The following HSD17B12 variants were observed in gnomAD, a reference collection of about 807,000 sequenced individuals.
HSD17B12 encodes hydroxysteroid 17-beta dehydrogenase 12.
Under a neutral mutation model 39.3 loss-of-function variants are expected in HSD17B12, and 32 were observed. The observed-to-expected ratio is 0.81, with a 90% CI of 0.61 to 1.09. The LOEUF (loss-of-function observed/expected upper bound fraction) is 1.09. HSD17B12 is among the 50% of genes least tolerant of loss of function. HSD17B12 has a pLI of 0.00. For missense variants in HSD17B12, 342 were observed against 382.9 expected (o/e 0.89, Z 0.89); for synonymous variants, 150 against 146.7 (o/e 1.02, Z -0.16).
chr11:43,675,813 A>G (rs1666730098), upstream of HSD17B12, among the ~76,000 whole-genome samples: 2 of 152,276 alleles, frequency 1.3e-5, no homozygotes, highest in East Asian at 1.9e-4. Context: ...TAATGGAAAG[A>G]AAAGAATCAA....
At chr11:43,784,803 A>T (rs909396274) in intron 3 of HSD17B12, among the ~76,000 whole-genome samples, 5 of 152,178 alleles carry the variant, frequency 3.3e-5, no homozygotes, top group African/African-American at 1.2e-4. Flanking sequence ...ACCTGTACAG[A>T]CACATGTGCC....
At chr11:43,696,085 G>T (rs554164670) in intron 1 of HSD17B12, among the ~76,000 whole-genome samples, 1 of 152,234 alleles carries the variant, frequency 6.6e-6, no homozygotes, top group Non-Finnish European at 1.5e-5. Context: ...ACTTATAAGT[G>T]AGAACATGTG....
chr11:43,638,245 G>A, the HSD17B12 span, among the ~76,000 whole-genome samples: 1 of 152,164 alleles, frequency 6.6e-6, no homozygotes, highest in Non-Finnish European at 1.5e-5. Flanking sequence ...ACTTTTCTAT[G>A]AGAATAGAGT....
intron 1 of HSD17B12, among the ~76,000 whole-genome samples, chr11:43,686,602 T>TG (rs1314301228): frequency 4.0e-5 from 6 of 151,174 alleles, no homozygotes; most frequent in South Asian, 2.1e-4. Context: ...CCTGTTTTTT[T>TG]TTTTTTTTTT....
At chr11:43,774,753 G>C (rs1950682875) in intron 3 of HSD17B12, among the ~76,000 whole-genome samples, 1 of 152,120 alleles carries the variant, frequency 6.6e-6, no homozygotes, top group African/African-American at 2.4e-5. Context: ...AAGATACAGA[G>C]GGGTAAGAAT....
At chr11:43,759,705 C>A (rs1208738874) in intron 3 of HSD17B12, among the ~76,000 whole-genome samples, 1 of 151,830 alleles carries the variant, frequency 6.6e-6, no homozygotes, top group African/African-American at 2.4e-5. Flanking sequence ...GTCCTTTCTT[C>A]CTTCTCTTTT....
chr11:43,690,695 C>T (rs1400831371), intron 1 of HSD17B12, among the ~76,000 whole-genome samples: 5 of 151,880 alleles, frequency 3.3e-5, no homozygotes, highest in Non-Finnish European at 5.9e-5. Context: ...AACCTCAGGA[C>T]GAAGTTCTCC....
chr11:43,606,416 T>C, the HSD17B12 span, among the ~76,000 whole-genome samples: 2 of 152,202 alleles, frequency 1.3e-5, no homozygotes, highest in East Asian at 1.9e-4. Context: ...GTGATTACTA[T>C]GTGATTATAG....
intron 4 of HSD17B12, among the ~76,000 whole-genome samples, chr11:43,811,561 G>T (rs964637857): frequency 6.6e-6 from 1 of 152,054 alleles, no homozygotes; most frequent in Non-Finnish European, 1.5e-5. Flanking sequence ...AAAGTTCTCA[G>T]TGTTGAACAG....
chr11:43,636,589 AT>A, the HSD17B12 span, among the ~76,000 whole-genome samples: 176 of 145,192 alleles, frequency 1.2e-3, no homozygotes, highest in Admixed American at 1.9e-3. Context: ...GTCCAGATCT[AT>A]TTTTTTTTTT....
At chr11:43,722,431 A>G (rs895313225) in intron 1 of HSD17B12, among the ~76,000 whole-genome samples, 14 of 152,196 alleles carry the variant, frequency 9.2e-5, no homozygotes, top group Non-Finnish European at 1.8e-4. Flanking sequence ...AGAATTAGGC[A>G]AGGAGACTAG....
chr11:43,753,517 T>C (rs2134947134), intron 2 of HSD17B12, among the ~76,000 whole-genome samples: 1 of 149,198 alleles, frequency 6.7e-6, no homozygotes, highest in Non-Finnish European at 1.5e-5. Flanking sequence ...GCCTCCTGAG[T>C]AGCTGGAACT....
chr11:43,670,404 A>G, the HSD17B12 span: 8 of 152,216 alleles, frequency 5.3e-5, no homozygotes, highest in Non-Finnish European at 1.0e-4. Flanking sequence ...TGATATAAGC[A>G]TATATATTTA....
rs3978759 is a variant in HSD17B12 at position 43,817,034 on chromosome 11, C to A, written c.501+643C>A. Among the ~76,000 whole-genome samples, 91 of 17,520 alleles carry A rather than the reference C, an allele frequency of 5.2e-3. 3 individuals carry two copies. Among genetic ancestry groups the A allele is most frequent in the African/African-American group, 0.013 (84 of 6,394 alleles). The allele number at this position is 17,520 out of a possible 152,430, so 11.5% of individuals were successfully genotyped here. A position where few individuals can be genotyped will look rare whatever the true frequency, so the allele number is the denominator to read the frequency against. The stretch of plus-strand genomic sequence containing the variant: ...TCTATATCTATATCTATATCTATAT[C>A]TATATCTATATATATATATATATAT... On this transcript the variant is annotated intron_variant, in intron 6 of 10. Transcript: ENST00000278353.
chr11:43,567,421 G>C, the HSD17B12 span, among the ~76,000 whole-genome samples: 2 of 152,228 alleles, frequency 1.3e-5, no homozygotes, highest in African/African-American at 4.8e-5. Context: ...TGGATTACCT[G>C]AAAGCAGAAC....
In HSD17B12 at chr11:43,681,029, C is replaced by G. The variant is rs762254601; in HGVS notation, c.160+42C>G. 1.6e-5 allele frequency: 24 copies of G among 1,535,316 alleles called. No individual in the cohort carries two copies. In the Middle Eastern group the frequency reaches 1.6e-3, roughly 105 times the overall value. On this transcript the variant is annotated intron_variant, in intron 1 of 10. Coordinates refer to ENST00000278353, the MANE Select transcript of HSD17B12 (RefSeq NM_016142.3). ...GCCGCGTCCTCGCTCCCGCGGCGGC[C>G]CGGACCAGGCCTGGGCCGTGATGAC...
At chr11:43,810,579 C>G (rs572125097) in intron 4 of HSD17B12, among the ~76,000 whole-genome samples, 31 of 152,148 alleles carry the variant, frequency 2.0e-4, no homozygotes, top group Admixed American at 8.5e-4. Context: ...CCTCCACCAC[C>G]TTTTCTTTCC....
At chr11:43,759,213 C>T (rs887722240) in intron 3 of HSD17B12, among the ~76,000 whole-genome samples, 1 of 152,218 alleles carries the variant, frequency 6.6e-6, no homozygotes, top group African/African-American at 2.4e-5. Context: ...CTGCTCTCAC[C>T]TTCGAAATCT....
At chr11:43,854,907 G>T in intron 10 of HSD17B12, 43 bp downstream of exon 10, 1 of 1,600,736 alleles carries the variant, frequency 6.2e-7, no homozygotes, top group Admixed American at 1.7e-5. Context: ...TTTCTGGCTT[G>T]GGGTTTCTTT....
Sources: allele counts gnomAD v4.1 joint callset (sites outside exome capture counted in the v4.1 genomes callset), GRCh38; gene constraint gnomAD v4.1.1; transcripts MANE v1.5; gene names NCBI Gene and HGNC (gene_info 2026-07-23, HGNC 2026-07-21).